Variants in ZNF273 observed in about 807,000 individuals in gnomAD.
ZNF273 encodes the protein zinc finger protein 9.
Under a neutral mutation model 14.9 loss-of-function variants are expected in ZNF273, and 11 were observed. That is an observed-to-expected ratio of 0.74 (90% CI 0.46 to 1.22). The LOEUF (loss-of-function observed/expected upper bound fraction) is 1.22, where lower values mean the gene tolerates loss of function less well. ZNF273 is among the 50% of genes most tolerant of loss of function. ZNF273 has a pLI of 0.00. For synonymous variants in ZNF273, 199 were observed against 223.9 expected, an observed-to-expected ratio of 0.89 and a Z score of 0.99; for missense variants, 577 against 660.6, an observed-to-expected ratio of 0.87 and a Z score of 1.39.
intron 1 of ZNF273, among the ~76,000 whole-genome samples, chr7:64,913,627 G>T (rs1793729279): frequency 6.6e-6 from 1 of 152,034 alleles, no homozygotes; most frequent in South Asian, 2.1e-4. Context: ...GTCTTCACTT[G>T]TGTTATGACA....
chr7:64,926,510 TC>T (rs1794772262), intron 3 of ZNF273, among the ~76,000 whole-genome samples: 1 of 152,176 alleles, frequency 6.6e-6, no homozygotes, highest in Non-Finnish European at 1.5e-5. Context: ...TTGTCTGTGT[TC>T]CTATTTAATT....
intron 3 of ZNF273, among the ~76,000 whole-genome samples, chr7:64,926,917 A>G (rs1175457442): frequency 6.6e-6 from 1 of 152,166 alleles, no homozygotes; most frequent in African/African-American, 2.4e-5. Context: ...TGCTGCTGCA[A>G]CATTCACCTT....
rs776660924 is a variant in ZNF273 at position 64,928,042 on chromosome 7, A to C, written c.714A>C (p.Thr238=). The change falls in exon 4 of 4, where the codon ACA becomes ACC. Residue 238 remains threonine (T), a synonymous_variant. Transcript: ENST00000476120. ...GAGTGAATTTCTACAAATGTAAGAC[A>C]TGTGGAAAAGCCTTTAACCAGTTCT... ...ATRVNFYKCK[T]CGKAFNQFSN... 6 of 1,613,884 alleles carry C rather than the reference A, an allele frequency of 3.7e-6. No homozygotes were observed. Among genetic ancestry groups the C allele is most frequent in the Admixed American group, 3.3e-5 (2 of 60,006 alleles).
downstream of ZNF273, among the ~76,000 whole-genome samples, chr7:64,932,554 T>A (rs1053123182): frequency 7.9e-5 from 12 of 152,000 alleles, no homozygotes; most frequent in Non-Finnish European, 1.2e-4. Flanking sequence ...TCCGCCCACC[T>A]CCGCCTCCCA....
intron 1 of ZNF273, among the ~76,000 whole-genome samples, chr7:64,904,144 A>G (rs1004563346): frequency 2.0e-5 from 3 of 152,076 alleles, no homozygotes; most frequent in Non-Finnish European, 2.9e-5. Flanking sequence ...CTGGAGTGCA[A>G]TGGCAGCCAT....
rs199739512 is a variant in ZNF273 at position 64,909,841 on chromosome 7, TTTTG to T, written c.102+6438_102+6441del. 2.0e-3 allele frequency among the ~76,000 whole-genome samples: 298 copies of T among 152,182 alleles called. 3 individuals are homozygous for T. In the East Asian group the frequency reaches 0.039, roughly 20 times the overall value. ...TTGCAGCCTTGCAAGCATCGTTTTTTTTTGTTTGTTTGTTTGTTTTTGTCTTTTT... is the reference window on the plus strand; with the variant it reads ...TTGCAGCCTTGCAAGCATCGTTTTTTTTTGTTTGTTTGTTTTTGTCTTTTT... On this transcript the variant is annotated intron_variant, in intron 1 of 3. Coordinates refer to ENST00000476120, the MANE Select transcript of ZNF273 (RefSeq NM_021148.3).
At chr7:64,916,571 C>T (rs1276073863) in intron 1 of ZNF273, among the ~76,000 whole-genome samples, 2 of 142,696 alleles carry the variant, frequency 1.4e-5, no homozygotes, top group African/African-American at 5.2e-5. Context: ...AAAAACCATA[C>T]ACACAAAATA....
chr7:64,922,637 CAG>C (rs1446934609), intron 3 of ZNF273, among the ~76,000 whole-genome samples: 1 of 151,454 alleles, frequency 6.6e-6, no homozygotes, highest in African/African-American at 2.4e-5. Flanking sequence ...TTTGTAGAGA[CAG>C]AGCTTTGCCA....
At chr7:64,891,648 G>T (rs13239272), downstream of ZNF273, among the ~76,000 whole-genome samples, 63,359 of 152,008 alleles carry the variant, frequency 0.42, 13,427 homozygotes, top group South Asian at 0.45. Context: ...TCTGCTTCAA[G>T]TGGGTAGGGA....
At chr7:64,900,238 C>T (rs1792613342), upstream of ZNF273, among the ~76,000 whole-genome samples, 1 of 151,882 alleles carries the variant, frequency 6.6e-6, no homozygotes, top group Non-Finnish European at 1.5e-5. Context: ...GTAATCCTCC[C>T]ACCTCAGACT....
chr7:64,908,719 G>A (rs1327590849), intron 1 of ZNF273, among the ~76,000 whole-genome samples: 2 of 152,104 alleles, frequency 1.3e-5, no homozygotes, highest in African/African-American at 2.4e-5. Flanking sequence ...GCCTCCCAGG[G>A]TGCCATGTGT....
At chr7:64,908,879 A>G (rs980424795) in intron 1 of ZNF273, among the ~76,000 whole-genome samples, 2 of 152,130 alleles carry the variant, frequency 1.3e-5, no homozygotes, top group African/African-American at 4.8e-5. Flanking sequence ...ACAGTATTTC[A>G]TGATGTTTAT....
At chr7:64,900,997 C>T (rs1256790882), upstream of ZNF273, among the ~76,000 whole-genome samples, 2 of 115,942 alleles carry the variant, frequency 1.7e-5, no homozygotes, top group Middle Eastern at 4.6e-3. Context: ...AGCTAGTATG[C>T]CTTTATTTAT....
chr7:64,897,241 A>G (rs1317950126), intron 3 of ZNF273: 1 of 152,254 alleles, frequency 6.6e-6, no homozygotes, highest in Non-Finnish European at 1.5e-5. Flanking sequence ...AGCTGAGAAT[A>G]GCAGTTTCCT....
At chr7:64,914,495 A>G (rs2129074517) in intron 1 of ZNF273, among the ~76,000 whole-genome samples, 2 of 152,240 alleles carry the variant, frequency 1.3e-5, no homozygotes, top group Middle Eastern at 6.8e-3. Flanking sequence ...AGAATCAGCT[A>G]TGAGGGGTTC....
chr7:64,920,993 C>T (rs1794408161), intron 3 of ZNF273, among the ~76,000 whole-genome samples: 1 of 151,710 alleles, frequency 6.6e-6, no homozygotes, highest in Admixed American at 6.6e-5. Flanking sequence ...ACTGATGTCA[C>T]TCTCCCTACA....
downstream of ZNF273, among the ~76,000 whole-genome samples, chr7:64,931,385 C>CT (rs1395074820): frequency 1.3e-5 from 2 of 152,042 alleles, no homozygotes; most frequent in African/African-American, 4.8e-5. Context: ...CCATACATTT[C>CT]TTTTTTCTTA....
intron 1 of ZNF273, among the ~76,000 whole-genome samples, chr7:64,912,501 C>T (rs555714029): frequency 6.6e-6 from 1 of 152,086 alleles, no homozygotes. Context: ...CTGTTCCCCC[C>T]ACCCCATAAA....
chr7:64,936,438 C>T, the ZNF273 span, among the ~76,000 whole-genome samples: 19 of 152,224 alleles, frequency 1.2e-4, no homozygotes, highest in African/African-American at 4.1e-4. Context: ...CTGAGTGACT[C>T]AAGGTGAATA....
Sources: allele counts gnomAD v4.1 joint callset (sites outside exome capture counted in the v4.1 genomes callset), GRCh38; gene constraint gnomAD v4.1.1; transcripts MANE v1.5; gene names NCBI Gene and HGNC (gene_info 2026-07-23, HGNC 2026-07-21).